F3: variants seen among roughly 807,000 people sequenced by gnomAD.
The protein encoded by F3 is tissue factor.
In F3, 18 loss-of-function variants were observed where a neutral mutation model predicts 33.5. That is an observed-to-expected ratio of 0.54 (90% CI 0.37 to 0.80). The LOEUF (loss-of-function observed/expected upper bound fraction) is 0.80, where lower values mean the gene tolerates loss of function less well. Among genes scored for constraint, F3 ranks in the 30% least tolerant of loss-of-function variants. F3 has a pLI of 0.00. For synonymous variants in F3, 147 were observed against 140.7 expected (o/e 1.05, Z -0.32); for missense variants, 353 against 362.1 (o/e 0.97, Z 0.20).
At chr1:94,532,224 C>A in intron 5 of F3, 97 bp downstream of exon 5, 7 of 1,193,224 alleles carry the variant, frequency 5.9e-6, no homozygotes, top group South Asian at 3.5e-5. Context: ...AATATTTAAC[C>A]AAGGAAGTAT....
Position 94,529,505 on chromosome 1 carries a change from T to A in F3, c.*955A>T, listed in dbSNP as rs1379550859. ...ATAAACTCTGTAGTTTGTATAGTAGTCTTATAAAAATATAGTTAGCTCTCA... is the reference window on the plus strand; with the variant it reads ...ATAAACTCTGTAGTTTGTATAGTAGACTTATAAAAATATAGTTAGCTCTCA... On this transcript the variant is annotated 3_prime_UTR_variant, in exon 6 of 6. Transcript: ENST00000334047. 5 of 152,588 alleles carry A rather than the reference T, an allele frequency of 3.3e-5. No homozygotes were observed. Among genetic ancestry groups the A allele is most frequent in the Non-Finnish European group, 7.3e-5 (5 of 68,028 alleles). The allele number at this position is 152,588 out of a possible 1,614,324, so 9.5% of individuals were successfully genotyped here. A position where few individuals can be genotyped will look rare whatever the true frequency, so the allele number is the denominator to read the frequency against.
chr1:94,529,375 A>T lies in F3; in HGVS notation c.*1085T>A, dbSNP rs1424586673. ...TAAATAAATTATCTCAATATATACA[A>T]ATAGAACAATATTACCTACATAAAT... is the stretch of plus-strand genomic sequence containing the variant. On this transcript the variant is annotated 3_prime_UTR_variant, in exon 6 of 6. Transcript: ENST00000334047. 1 of 152,574 alleles carries T rather than the reference A, an allele frequency of 6.6e-6. No homozygotes were observed. The highest frequency in any genetic ancestry group is 1.5e-5 in the Non-Finnish European group (1 of 68,038). 9.5% of individuals were successfully genotyped at this position (152,574 alleles called of 1,614,324 possible).
At chr1:94,538,144 T>C (rs1651666845) in intron 2 of F3, among the ~76,000 whole-genome samples, 1 of 152,228 alleles carries the variant, frequency 6.6e-6, no homozygotes, top group Non-Finnish European at 1.5e-5. Flanking sequence ...CCTCCAAGGT[T>C]CCTCCAGGCA....
intron 3 of F3, among the ~76,000 whole-genome samples, chr1:94,533,748 G>A (rs777528581): frequency 3.3e-5 from 5 of 152,044 alleles, no homozygotes; most frequent in Non-Finnish European, 5.9e-5. Context: ...TGAAGATGAC[G>A]AGGATGAACA....
At position 94,530,151 on chromosome 1, in the gene F3, C is replaced by G; in HGVS notation, c.*309G>C. ...TAAGACATTTTCCCATTTGTTTTTG[C>G]TTGGACGACCTGGTTACTCCTTGAG... On this transcript the variant is annotated 3_prime_UTR_variant, in exon 6 of 6. Coordinates refer to ENST00000334047, the MANE Select transcript of F3 (RefSeq NM_001993.5). 1 of 160,804 alleles carries G rather than the reference C, an allele frequency of 6.2e-6. No homozygotes were observed. Among genetic ancestry groups the G allele is most frequent in the Non-Finnish European group, 1.3e-5 (1 of 76,512 alleles). The allele number at this position is 160,804 out of a possible 1,614,324, so 10.0% of individuals were successfully genotyped here.
chr1:94,535,283 C>T (rs749299329), intron 3 of F3, among the ~76,000 whole-genome samples: 4 of 152,146 alleles, frequency 2.6e-5, no homozygotes, highest in Non-Finnish European at 5.9e-5. Context: ...GCCACAGTTG[C>T]GGCAAAAGAA....
At chr1:94,541,461 C>A (rs1651775240) in intron 1 of F3, 76 bp downstream of exon 1, 29 of 1,191,148 alleles carry the variant, frequency 2.4e-5, no homozygotes, top group South Asian at 9.1e-5. Flanking sequence ...CCAGGGCGAG[C>A]CCGCTGCCAG....
intron 3 of F3, 28 bp downstream of exon 3, chr1:94,535,937 G>T: frequency 6.3e-7 from 1 of 1,596,244 alleles, no homozygotes; most frequent in Non-Finnish European, 8.6e-7. Flanking sequence ...TAACAAGAAT[G>T]AACGGTATTA....
rs1228380672 is a variant in F3, at chr1:94,530,569, A to G, written c.779T>C (p.Val260Ala). Residue 260 changes from valine to alanine, a missense_variant, in exon 6 of 6, where the codon GTA becomes GCA. Val to Ala is a moderately conservative substitution (Grantham distance 64). Coordinates refer to ENST00000334047, the MANE Select transcript of F3 (RefSeq NM_001993.5). ...REIFYIIGAVVFVVIILVIIL... is the reference protein window; with the variant it reads ...REIFYIIGAVAFVVIILVIIL... ...GATGACAAGGATGATGACCACAAAT[A>G]CCACAGCTCCAATGATGTAGAATAT... The G allele has an allele frequency of 3.1e-6, 5 of 1,614,154 alleles. No individual in the cohort carries two copies. In the South Asian group the frequency reaches 5.5e-5, roughly 18 times the overall value.
chr1:94,535,365 G>C (rs925163627), intron 3 of F3, among the ~76,000 whole-genome samples: 8 of 152,136 alleles, frequency 5.3e-5, no homozygotes, highest in African/African-American at 1.9e-4. Flanking sequence ...AGGGGCAAAG[G>C]CTGAGGAGGA....
At chr1:94,532,098 G>T (rs781038281) in intron 5 of F3, among the ~76,000 whole-genome samples, 2 of 152,096 alleles carry the variant, frequency 1.3e-5, no homozygotes, top group Non-Finnish European at 2.9e-5. Context: ...CTAATACAAG[G>T]GCACAATCAA....
intron 5 of F3, among the ~76,000 whole-genome samples, chr1:94,531,962 T>A (rs1651447099): frequency 6.6e-6 from 1 of 152,164 alleles, no homozygotes; most frequent in Non-Finnish European, 1.5e-5. Flanking sequence ...ACCCCCAGAA[T>A]TAGAATTTAA....
rs374376464 is a variant in F3 at position 94,540,388 on chromosome 1, A to G, written c.101-20T>C. ...TAGTGCCTTTAAACAACAGAGAAAC[A>G]GCTATTATTACATGCACTTCAGAGC... On this transcript the variant is annotated intron_variant, in intron 1 of 5. Transcript: ENST00000334047. 7.1e-6 allele frequency: 11 copies of G among 1,538,702 alleles called. No homozygotes were observed. The African/African-American group carries it at 1.4e-4, about 19-fold the overall frequency.
chr1:94,534,633 G>A (rs1651544287), intron 3 of F3, among the ~76,000 whole-genome samples: 1 of 152,142 alleles, frequency 6.6e-6, no homozygotes, highest in South Asian at 2.1e-4. Flanking sequence ...AGGGCTGTGA[G>A]AAAGCCCAGG....
Position 94,530,379 on chromosome 1 carries a change from C to A in F3, c.*81G>T. On this transcript the variant is annotated 3_prime_UTR_variant, in exon 6 of 6. Coordinates refer to ENST00000334047, the MANE Select transcript of F3 (RefSeq NM_001993.5). ...CTTCATGCTCCGAAATACTCATTTGCGTTTCCATGTATTCTATCCTCTTAA... is the reference window on the plus strand; with the variant it reads ...CTTCATGCTCCGAAATACTCATTTGAGTTTCCATGTATTCTATCCTCTTAA... The A allele has an allele frequency of 3.9e-6, 6 of 1,556,766 alleles. No homozygotes were observed. The highest frequency in any genetic ancestry group is 5.2e-6 in the Non-Finnish European group (6 of 1,143,868).
At position 94,530,521 on chromosome 1, in the gene F3, T is replaced by A. The variant is rs985289961; in HGVS notation, c.827A>T (p.Lys276Met). The A allele has an allele frequency of 6.2e-6, 10 of 1,613,678 alleles. No individual in the cohort carries two copies. The African/African-American group carries it at 1.3e-4, about 22-fold the overall frequency. ...LVIILAISLH[K>M]CRKAGVGQSW... ...CTGCCCCACTCCTGCCTTTCTACAC[T>A]TGTGTAGAGATATAGCCAGGATGAT... The change falls in exon 6 of 6, where the codon AAG becomes ATG. Residue 276 changes from lysine (K) to methionine (M), a missense_variant. Transcript: ENST00000334047.
In F3 at chr1:94,541,607, C is replaced by A; in HGVS notation, c.30G>T (p.Pro10=). The change falls in exon 1 of 6, where the codon CCG becomes CCT. Residue 10 remains proline (P), a synonymous_variant. Coordinates refer to ENST00000334047, the MANE Select transcript of F3 (RefSeq NM_001993.5). ...TCCGAGCGACGGCGGTCTCGGGGCG[C>A]GGGACCCGGGGCCAGGCAGGGGTCT... METPAWPRV[P]RPETAVARTL... 1 of 1,458,394 alleles carries A rather than the reference C, an allele frequency of 6.9e-7. No individual in the cohort carries two copies. The highest frequency in any genetic ancestry group is 1.4e-5 in the South Asian group (1 of 69,336). The allele number at this position is 1,458,394 out of a possible 1,614,324, so 90.3% of individuals were successfully genotyped here.
chr1:94,530,736 C>A, intron 5 of F3, 140 bp from the exon 6 acceptor site: 1 of 977,286 alleles, frequency 1.0e-6, no homozygotes, highest in Non-Finnish European at 1.5e-6. Context: ...ACCACACTTA[C>A]ATTAGGAAAG....
At chr1:94,535,022 T>C (rs184337575) in intron 3 of F3, among the ~76,000 whole-genome samples, 74 of 152,188 alleles carry the variant, frequency 4.9e-4, no homozygotes, top group African/African-American at 1.6e-3. Flanking sequence ...ATGGGGGCTC[T>C]GGGAAGGCAG....
Sources: allele counts gnomAD v4.1 joint callset (sites outside exome capture counted in the v4.1 genomes callset), GRCh38; gene constraint gnomAD v4.1.1; transcripts MANE v1.5; gene names NCBI Gene and HGNC (gene_info 2026-07-23, HGNC 2026-07-21).